ZNF547: variants seen among roughly 807,000 people sequenced by gnomAD.
The protein encoded by ZNF547 is zinc finger protein 547.
In ZNF547, 4 loss-of-function variants were observed where a neutral mutation model predicts 7.7. The ratio of observed to expected loss-of-function variants is 0.52; its 90% CI spans 0.26 to 1.20. ZNF547 has a LOEUF of 1.20. ZNF547 is among the 50% of genes most tolerant of loss of function. ZNF547 has a pLI of 0.14. For missense variants in ZNF547, 449 were observed against 485.8 expected, an observed-to-expected ratio of 0.92 and a Z score of 0.71; for synonymous variants, 166 against 166.2, an observed-to-expected ratio of 1.00 and a Z score of 0.01.
chr19:57,368,301 T>C, intron 1 of ZNF547: 1 of 499,228 alleles, frequency 2.0e-6, no homozygotes, highest in Non-Finnish European at 3.6e-6. Context: ...GTAAGAGTCC[T>C]ATGAGGTGGG....
chr19:57,370,070 T>G (rs1305202188), intron 2 of ZNF547, among the ~76,000 whole-genome samples: 1 of 151,914 alleles, frequency 6.6e-6, no homozygotes, highest in African/African-American at 2.4e-5. Context: ...TTTTTGTATT[T>G]TTAGTAGAGA....
At chr19:57,375,909 T>G (rs1353708490) in intron 3 of ZNF547, among the ~76,000 whole-genome samples, 2 of 151,952 alleles carry the variant, frequency 1.3e-5, no homozygotes, top group Non-Finnish European at 2.9e-5. Context: ...ACACCTGTAA[T>G]CCCAGCACTT....
At chr19:57,364,466 G>GAT in intron 1 of ZNF547, 1 of 242,418 alleles carries the variant, frequency 4.1e-6, no homozygotes. Context: ...AGGGTGGCCG[G>GAT]GCGTGGTGGC....
intron 1 of ZNF547, chr19:57,365,199 A>G: frequency 1.3e-6 from 2 of 1,590,162 alleles, no homozygotes; most frequent in Non-Finnish European, 1.7e-6. Context: ...CTCCTATTCG[A>G]TCAAGTGCAT....
intron 1 of ZNF547, chr19:57,364,901 T>C: frequency 6.2e-7 from 1 of 1,612,492 alleles, no homozygotes; most frequent in Non-Finnish European, 8.5e-7. Context: ...ATGGAGTTTT[T>C]GCCAGCTGGG....
chr19:57,377,767 G>C lies in ZNF547; in HGVS notation c.791G>C (p.Gly264Ala). 1 of 1,614,160 alleles carries C rather than the reference G, an allele frequency of 6.2e-7. No homozygotes were observed. Residue 264 changes from glycine to alanine, a missense_variant, in exon 4 of 4, where the codon GGA becomes GCA. By Grantham distance (60) the Gly-to-Ala change is moderately conservative. Transcript: ENST00000282282. ...ATTACACATCAGAGGGTTCACACTG[G>C]AAAGAGGCCTTATGGTTGCAGTGAA... ...TLITHQRVHTGKRPYGCSECG... is the reference protein window; with the variant it reads ...TLITHQRVHTAKRPYGCSECG...
chr19:57,378,035 A>G lies in ZNF547; in HGVS notation c.1059A>G (p.Glu353=). The change falls in exon 4 of 4, where the codon GAA becomes GAG. Residue 353 remains glutamate (E), a synonymous_variant. Coordinates refer to ENST00000282282, the MANE Select transcript of ZNF547 (RefSeq NM_173631.4). ...QRVHTGERPY[E]CSECGKAFLT... ...TTCACACTGGAGAACGGCCTTATGA[A>G]TGCAGTGAGTGTGGGAAGGCCTTCC... is the stretch of plus-strand genomic sequence containing the variant. 1 of 1,614,080 alleles carries G rather than the reference A, an allele frequency of 6.2e-7. No individual in the cohort carries two copies. The highest frequency in any genetic ancestry group is 1.7e-5 in the Admixed American group (1 of 60,004).
chr19:57,369,635 G>A (rs551861563), intron 2 of ZNF547, among the ~76,000 whole-genome samples: 1 of 152,104 alleles, frequency 6.6e-6, no homozygotes, highest in African/African-American at 2.4e-5. Flanking sequence ...TGGTGGAGGA[G>A]TCACTAGACA....
chr19:57,365,185 A>G, intron 1 of ZNF547: 1 of 1,593,192 alleles, frequency 6.3e-7, no homozygotes. Flanking sequence ...TTATGAACCC[A>G]ATTCTCCTAT....
chr19:57,372,146 G>A (rs1483518790), intron 3 of ZNF547, among the ~76,000 whole-genome samples: 1 of 152,202 alleles, frequency 6.6e-6, no homozygotes, highest in Admixed American at 6.5e-5. Context: ...CAGAAATGTT[G>A]AAGGTGACAT....
chr19:57,372,046 G>A lies in ZNF547; in HGVS notation c.151+138G>A, dbSNP rs563531250. On this transcript the variant is annotated intron_variant, in intron 3 of 3. Coordinates refer to ENST00000282282, the MANE Select transcript of ZNF547 (RefSeq NM_173631.4). ...GTTTCCTGACATATGTTCCATGAGA[G>A]TCAGGACTGCAATATGTGCTGTGTG... The A allele has an allele frequency of 5.2e-6, 7 of 1,356,818 alleles. No homozygotes were observed. The South Asian group carries it at 7.1e-5, about 14-fold the overall frequency. 84.0% of individuals were successfully genotyped at this position (1,356,818 alleles called of 1,614,324 possible). A position where few individuals can be genotyped will look rare whatever the true frequency, so the allele number is the denominator to read the frequency against.
In ZNF547 at chr19:57,365,283, A is replaced by G. The variant is rs1043322; in HGVS notation, c.-13+1580A>G. 3 of 1,422,538 alleles carry G rather than the reference A, an allele frequency of 2.1e-6. 1 individual carries two copies. The highest frequency in any genetic ancestry group is 2.5e-5 in the South Asian group (2 of 81,332). 88.1% of individuals were successfully genotyped at this position (1,422,538 alleles called of 1,614,324 possible). On this transcript the variant is annotated intron_variant, in intron 1 of 3. Transcript: ENST00000282282. ...TGGAGAAAATTCCAAAATAAATTAT[A>G]TCACCACAATGGTGTATACTCAGGA... is the stretch of plus-strand genomic sequence containing the variant.
chr19:57,378,588 A>T lies in ZNF547; in HGVS notation c.*403A>T. The T allele has an allele frequency of 2.7e-6, 1 of 371,682 alleles. No individual in the cohort carries two copies. The highest frequency in any genetic ancestry group is 2.1e-5 in the South Asian group (1 of 47,802). 23.0% of individuals were successfully genotyped at this position (371,682 alleles called of 1,614,324 possible). On this transcript the variant is annotated 3_prime_UTR_variant, in exon 4 of 4. Transcript: ENST00000282282. ...ACTACTTAGACATCATGTAGTTCACACTGGAAAAAGGCCACGTATGTGCCT... is the reference window on the plus strand; with the variant it reads ...ACTACTTAGACATCATGTAGTTCACTCTGGAAAAAGGCCACGTATGTGCCT...
At chr19:57,370,790 G>T (rs1375191973) in intron 2 of ZNF547, among the ~76,000 whole-genome samples, 1 of 152,108 alleles carries the variant, frequency 6.6e-6, no homozygotes, top group Non-Finnish European at 1.5e-5. Flanking sequence ...TGCTGGACAC[G>T]GTGGCCAATG....
chr19:57,374,599 C>G (rs2088525300), intron 3 of ZNF547, among the ~76,000 whole-genome samples: 1 of 152,250 alleles, frequency 6.6e-6, no homozygotes, highest in Admixed American at 6.5e-5. Context: ...CATAGCCAGG[C>G]TGCAAATTTT....
chr19:57,365,981 CA>C (rs1173826700), intron 1 of ZNF547, among the ~76,000 whole-genome samples: 1 of 150,608 alleles, frequency 6.6e-6, no homozygotes, highest in Non-Finnish European at 1.5e-5. Flanking sequence ...TCTCCTTCTT[CA>C]GCCTCCCAAG....
At position 57,371,793 on chromosome 19, in the gene ZNF547, T is replaced by C. The variant is rs1445832829; in HGVS notation, c.36T>C (p.Val12=). 1.9e-5 allele frequency: 31 copies of C among 1,611,908 alleles called. No homozygotes were observed. In the Admixed American group the frequency reaches 4.9e-4, roughly 25 times the overall value. ...TCCCAATTTGGCAGGGTCATGTGGT[T>C]TTTGAAGACGTGGCCATATATTTCT... ...AEMNPAQGHV[V]FEDVAIYFSQ... The change falls in exon 3 of 4, where the codon GTT becomes GTC. Residue 12 remains valine, a synonymous_variant. Transcript: ENST00000282282.
At chr19:57,367,426 G>GAAAA (rs750776299) in intron 1 of ZNF547, among the ~76,000 whole-genome samples, 5 of 65,694 alleles carry the variant, frequency 7.6e-5, no homozygotes, top group Admixed American at 1.7e-4. Flanking sequence ...GTTTGTTCAA[G>GAAAA]AAAAAAAAAA....
At chr19:57,365,264 A>T (rs1270561891) in intron 1 of ZNF547, 1 of 1,527,064 alleles carries the variant, frequency 6.5e-7, no homozygotes, top group African/African-American at 1.4e-5. Flanking sequence ...TGAATGGAGA[A>T]AATTCCAAAA....
Sources: allele counts gnomAD v4.1 joint callset (sites outside exome capture counted in the v4.1 genomes callset), GRCh38; gene constraint gnomAD v4.1.1; transcripts MANE v1.5; gene names NCBI Gene and HGNC (gene_info 2026-07-23, HGNC 2026-07-21).